Variants in ARHGAP32 observed in about 807,000 individuals in gnomAD.
The protein encoded by ARHGAP32 is Rho GTPase activating protein 32, also known as rho GTPase-activating protein 32.
In ARHGAP32, 51 loss-of-function variants were observed where a neutral mutation model predicts 186.5. The ratio of observed to expected loss-of-function variants is 0.27; its 90% CI spans 0.22 to 0.35. The LOEUF (loss-of-function observed/expected upper bound fraction) is 0.35. Among genes scored for constraint, ARHGAP32 ranks in the 10% least tolerant of loss-of-function variants. The pLI, the probability that ARHGAP32 is intolerant of heterozygous loss-of-function variation, is 1.00. For missense variants in ARHGAP32, 2,186 were observed against 2,623.5 expected (o/e 0.83, Z 3.64); for synonymous variants, 950 against 964.3 (o/e 0.99, Z 0.27).
Position 129,167,409 on chromosome 11 carries a change from G to A in ARHGAP32, c.117-2982C>T, listed in dbSNP as rs540313202. ...ATAAAAACACGTCTACCAAGAACTT[G>A]TACATGAATATTCATAGCAATATTA... is the stretch of plus-strand genomic sequence containing the variant. On this transcript the variant is annotated intron_variant, in intron 1 of 22. Coordinates refer to ENST00000682385, the MANE Select transcript of ARHGAP32 (RefSeq NM_001378024.1). 2.0e-5 allele frequency among the ~76,000 whole-genome samples: 3 copies of A among 152,160 alleles called. No homozygotes were observed. In the South Asian group the frequency reaches 6.2e-4, roughly 32 times the overall value.
At chr11:129,246,841 TC>T (rs1302693878) in intron 1 of ARHGAP32, among the ~76,000 whole-genome samples, 1 of 152,216 alleles carries the variant, frequency 6.6e-6, no homozygotes, top group Non-Finnish European at 1.5e-5. Context: ...CTGCCTGTTT[TC>T]CTCCTCTCAA....
chr11:129,072,473 A>G (rs1404782505), intron 6 of ARHGAP32, among the ~76,000 whole-genome samples: 1 of 152,190 alleles, frequency 6.6e-6, no homozygotes, highest in Non-Finnish European at 1.5e-5. Flanking sequence ...TAACAAGTAA[A>G]AAGCTGAACA....
chr11:129,252,158 C>T (rs1257543797), intron 1 of ARHGAP32, among the ~76,000 whole-genome samples: 2 of 152,054 alleles, frequency 1.3e-5, no homozygotes, highest in African/African-American at 4.8e-5. Context: ...ATACTTGTAT[C>T]GTCTTTAACA....
chr11:129,274,781 A>G (rs1945512280), intron 1 of ARHGAP32, among the ~76,000 whole-genome samples: 1 of 152,118 alleles, frequency 6.6e-6, no homozygotes, highest in Non-Finnish European at 1.5e-5. Context: ...TATTATTTCA[A>G]CTCTGAGAAG....
chr11:129,050,253 C>T (rs763881318), intron 10 of ARHGAP32, among the ~76,000 whole-genome samples: 2 of 152,214 alleles, frequency 1.3e-5, no homozygotes, highest in Admixed American at 6.5e-5. Context: ...CTACATTTCT[C>T]GAATGACTAT....
In ARHGAP32 at chr11:129,183,828, T is replaced by C. The variant is rs564824407; in HGVS notation, c.116+8255A>G. On this transcript the variant is annotated intron_variant, in intron 1 of 22. Transcript: ENST00000682385. ...TCAGTGAATGTTCCCTGCAGAAAAG[T>C]TTCCTCTCAAAACCTATGAAAAAAA... is the stretch of plus-strand genomic sequence containing the variant. 4.6e-5 allele frequency among the ~76,000 whole-genome samples: 7 copies of C among 152,188 alleles called. No individual in the cohort carries two copies. In the Middle Eastern group the frequency reaches 0.024, roughly 518 times the overall value.
At chr11:129,044,569 G>T (rs1767144673) in intron 10 of ARHGAP32, among the ~76,000 whole-genome samples, 1 of 152,116 alleles carries the variant, frequency 6.6e-6, no homozygotes, top group Non-Finnish European at 1.5e-5. Flanking sequence ...CTGCTAGAGG[G>T]CTCTAGCTCC....
At chr11:129,023,108 A>C (rs1938673773) in intron 11 of ARHGAP32, among the ~76,000 whole-genome samples, 1 of 152,254 alleles carries the variant, frequency 6.6e-6, no homozygotes, top group Non-Finnish European at 1.5e-5. Context: ...TGAACATACT[A>C]ATCAGCCCTA....
At chr11:129,072,881 G>A (rs1940914303) in intron 6 of ARHGAP32, among the ~76,000 whole-genome samples, 2 of 152,132 alleles carry the variant, frequency 1.3e-5, no homozygotes, top group Non-Finnish European at 2.9e-5. Flanking sequence ...CTGCCCTCAG[G>A]AAAAACTCTT....
chr11:129,025,980 T>C (rs770486348), intron 11 of ARHGAP32, among the ~76,000 whole-genome samples: 10 of 151,542 alleles, frequency 6.6e-5, no homozygotes, highest in Non-Finnish European at 4.4e-5. Flanking sequence ...TAAACATTGA[T>C]AGGAATAACT....
Position 128,970,402 on chromosome 11 carries a change from G to A in ARHGAP32, c.4811C>T (p.Pro1604Leu), listed in dbSNP as rs764772527. 48 of 1,614,160 alleles carry A rather than the reference G, an allele frequency of 3.0e-5. No individual in the cohort carries two copies. The highest frequency in any genetic ancestry group is 4.0e-5 in the African/African-American group (3 of 75,024). Reference protein sequence around the residue: ...IRRVQSLHAPPSSMIRSVPIS... With the variant: ...IRRVQSLHAPLSSMIRSVPIS... Reference sequence around the variant, plus strand: ...GGGAACAGAGCGAATCATGGAAGACGGCGGAGCATGGAGAGACTGCACTCT... The same window carrying A: ...GGGAACAGAGCGAATCATGGAAGACAGCGGAGCATGGAGAGACTGCACTCT... Residue 1604 changes from proline (P) to leucine (L), a missense_variant, in exon 23 of 23, where the codon CCG becomes CTG. Transcript: ENST00000682385. This position sits in a 1 kb window ranked among gnomAD's most constrained non-coding sequence, Gnocchi z 5.8.
rs550791905 is a variant in ARHGAP32, at chr11:128,969,892, C to T, written c.5321G>A (p.Arg1774His). The change falls in exon 23 of 23, where the codon CGT (arginine) becomes CAT (histidine). Residue 1774 changes from arginine (R) to histidine (H), a missense_variant. Arg to His is a conservative substitution (Grantham distance 29). This residue lies in a region of ARHGAP32 where 1,502 missense variants were observed against 1,570.0 expected (regional missense o/e 0.96). Coordinates refer to ENST00000682385, the MANE Select transcript of ARHGAP32 (RefSeq NM_001378024.1). The surrounding 1 kb of genome is among the most constrained non-coding windows in gnomAD (Gnocchi z 4.8). The part of the protein sequence containing the change: ...YRMQSIRRES[R>H]ARQKVKGPVM... ...AGGCCCTTTCACCTTCTGCCGAGCA[C>T]GGCTCTCTCTCCGGATGGACTGCAT... The T allele has an allele frequency of 3.1e-5, 50 of 1,614,210 alleles. No individual in the cohort carries two copies. Among genetic ancestry groups the T allele is most frequent in the East Asian group, 4.5e-5 (2 of 44,884 alleles).
intron 1 of ARHGAP32, among the ~76,000 whole-genome samples, chr11:129,261,453 C>T (rs536879127): frequency 6.6e-6 from 1 of 152,240 alleles, no homozygotes; most frequent in South Asian, 2.1e-4. Context: ...CAAAGGATTT[C>T]TAAAACTTTT....
chr11:129,077,844 C>T (rs954741730), intron 6 of ARHGAP32, among the ~76,000 whole-genome samples: 10 of 152,100 alleles, frequency 6.6e-5, no homozygotes, highest in East Asian at 1.9e-4. Context: ...CTCTTCAAAG[C>T]GCCACCGCCT....
At chr11:129,173,515 A>C (rs1565455640) in intron 1 of ARHGAP32, among the ~76,000 whole-genome samples, 1 of 152,206 alleles carries the variant, frequency 6.6e-6, no homozygotes, top group South Asian at 2.1e-4. Context: ...AAACACAACC[A>C]AAAAAGAAAA....
Position 129,057,718 on chromosome 11 carries a change from A to T in ARHGAP32, c.963+4562T>A, listed in dbSNP as rs35525578. Among the ~76,000 whole-genome samples, 756 of 152,084 alleles carry T rather than the reference A, an allele frequency of 5.0e-3. 5 individuals are homozygous for T. Among genetic ancestry groups the T allele is most frequent in the African/African-American group, 0.017 (718 of 41,462 alleles). On this transcript the variant is annotated intron_variant, in intron 10 of 22. Transcript: ENST00000682385. The stretch of plus-strand genomic sequence containing the variant: ...GCGTTTGATAAAAAAAAAAAAAAAA[A>T]AATCTGTGTATTAGTGGACTCGCAA...
At chr11:129,212,919 A>C (rs2030895009) in intron 1 of ARHGAP32, among the ~76,000 whole-genome samples, 1 of 152,028 alleles carries the variant, frequency 6.6e-6, no homozygotes, top group African/African-American at 2.4e-5. Flanking sequence ...GTGCAAAAAA[A>C]AAAAAGCTCA....
intron 1 of ARHGAP32, among the ~76,000 whole-genome samples, chr11:129,167,152 G>A (rs1307943923): frequency 6.6e-6 from 1 of 152,078 alleles, no homozygotes; most frequent in African/African-American, 2.4e-5. Context: ...ATAAAACAAG[G>A]CAAATAAAAA....
intron 1 of ARHGAP32, among the ~76,000 whole-genome samples, chr11:129,234,477 G>A (rs970509949): frequency 8.6e-5 from 13 of 151,862 alleles, no homozygotes; most frequent in African/African-American, 1.9e-4. Context: ...TTTAGGTGAC[G>A]AGCACATGAG....
Sources: gnomAD v4.1 joint callset for allele counts (sites outside exome capture counted in the v4.1 genomes callset) on GRCh38, gnomAD v4.1.1 for gene constraint, gnomAD v4.1.1 regional missense constraint, Gnocchi (gnomAD v3.1) non-coding constraint, MANE v1.5 for transcripts, NCBI Gene and HGNC (gene_info 2026-07-23, HGNC 2026-07-21) for gene names.